The following RSPH10B2 variants were observed in gnomAD, a reference collection of about 807,000 sequenced individuals.
RSPH10B2 encodes radial spoke head 10 homolog B2 (Chlamydomonas).
Under a neutral mutation model 49.0 loss-of-function variants are expected in RSPH10B2, and 9 were observed. The ratio of observed to expected loss-of-function variants is 0.18; its 90% CI spans 0.11 to 0.32. The LOEUF (loss-of-function observed/expected upper bound fraction) is 0.32. Among genes scored for constraint, RSPH10B2 ranks in the 10% least tolerant of loss-of-function variants. The probability of loss-of-function intolerance (pLI) is 1.00; values close to 1 mark genes in which losing one functional copy is unlikely to be tolerated. For missense variants in RSPH10B2, 95 were observed against 589.9 expected, an observed-to-expected ratio of 0.16 and a Z score of 8.69; for synonymous variants, 35 against 210.2, an observed-to-expected ratio of 0.17 and a Z score of 7.21.
At chr7:6,781,084 A>G (rs1227887134) in intron 12 of RSPH10B2, among the ~76,000 whole-genome samples, 196 bp downstream of exon 14, 1 of 113,214 alleles carries the variant, frequency 8.8e-6, no homozygotes, top group Non-Finnish European at 1.8e-5. Context: ...AGAAATACAA[A>G]AAAATTAGCC....
upstream of RSPH10B2, among the ~76,000 whole-genome samples, chr7:6,752,252 A>G (rs1220031305): frequency 1.4e-5 from 2 of 147,162 alleles, no homozygotes; most frequent in Admixed American, 6.9e-5. Flanking sequence ...GCAGGGGAAC[A>G]AAAAGAGTTT....
chr7:6,756,081 A>T (rs373837729), upstream of RSPH10B2, among the ~76,000 whole-genome samples: 153 of 150,772 alleles, frequency 1.0e-3, 4 homozygotes, highest in East Asian at 0.029. Context: ...ATCCTGGCTA[A>T]CCCGGTGAAA....
intron 10 of RSPH10B2, among the ~76,000 whole-genome samples, chr7:6,776,835 C>A (rs1399162243): frequency 7.8e-5 from 8 of 102,554 alleles, no homozygotes; most frequent in Admixed American, 1.1e-4. Flanking sequence ...CAAGATTGTG[C>A]CATTGCACTC....
intron 11 of RSPH10B2, among the ~76,000 whole-genome samples, 153 bp downstream of exon 13, chr7:6,779,877 G>A (rs1489044932): frequency 1.9e-4 from 24 of 125,990 alleles, no homozygotes; most frequent in African/African-American, 6.5e-4. Flanking sequence ...GCACAATCTT[G>A]GCTTACTGCA....
chr7:6,784,395 G>C (rs1782061089), intron 13 of RSPH10B2, among the ~76,000 whole-genome samples: 1 of 14,882 alleles, frequency 6.7e-5, no homozygotes, highest in African/African-American at 4.6e-4. Flanking sequence ...AAGTAGCTGG[G>C]ATTATAGGTG....
rs2711182 is a variant in RSPH10B2 at position 6,781,592 on chromosome 7, G to A, written c.1758+116G>A. 25 of 1,175,272 alleles carry A rather than the reference G, an allele frequency of 2.1e-5. 2 individuals carry two copies. Among genetic ancestry groups the A allele is most frequent in the African/African-American group, 1.9e-4 (10 of 51,728 alleles). 72.8% of individuals were successfully genotyped at this position (1,175,272 alleles called of 1,614,324 possible). On this transcript the variant is annotated intron_variant, in intron 13 of 18. Transcript: ENST00000297186. Reference sequence around the variant, plus strand: ...ATTATCAGGTGAAGATCTGGGCTGGGTTTTCAGGACCATTAAATGTTTACT... The same window carrying A: ...ATTATCAGGTGAAGATCTGGGCTGGATTTTCAGGACCATTAAATGTTTACT...
intron 18 of RSPH10B2, among the ~76,000 whole-genome samples, chr7:6,797,866 T>TACACACACAC (rs753716997): frequency 1.5e-5 from 1 of 65,746 alleles, no homozygotes; most frequent in African/African-American, 7.5e-5. Context: ...AAAAAAAAAA[T>TACACACACAC]ACACACACAC....
chr7:6,794,016 TG>T (rs1382699559), intron 17 of RSPH10B2: 1 of 149,686 alleles, frequency 6.7e-6, no homozygotes, highest in Non-Finnish European at 1.5e-5. Flanking sequence ...CTAGGCATCT[TG>T]GGGGGCTGTG....
chr7:6,779,998 T>A (rs1229764543), intron 11 of RSPH10B2, among the ~76,000 whole-genome samples: 1 of 128,824 alleles, frequency 7.8e-6, no homozygotes, highest in African/African-American at 2.8e-5. Context: ...TTTTTTTGTA[T>A]TTTTAGTAGA....
chr7:6,776,873 TCA>T (rs746541740), intron 10 of RSPH10B2, among the ~76,000 whole-genome samples: 18,240 of 109,556 alleles, frequency 0.17, 901 homozygotes, highest in Non-Finnish European at 0.19. Flanking sequence ...CGAGACTCCA[TCA>T]CACACACACA....
chr7:6,764,624 G>C (rs1317046155), intron 4 of RSPH10B2, among the ~76,000 whole-genome samples: 1 of 151,630 alleles, frequency 6.6e-6, no homozygotes, highest in Admixed American at 6.6e-5. Flanking sequence ...GCCTCCCAAA[G>C]TGCTGGGATT....
intron 17 of RSPH10B2, among the ~76,000 whole-genome samples, chr7:6,793,906 T>C (rs1178624999): frequency 4.6e-5 from 7 of 150,992 alleles, no homozygotes; most frequent in Non-Finnish European, 1.0e-4. Flanking sequence ...CCCACTTTCT[T>C]TCCCTGCTCC....
chr7:6,756,173 G>C (rs1215725221), upstream of RSPH10B2, among the ~76,000 whole-genome samples: 1 of 143,994 alleles, frequency 6.9e-6, no homozygotes, highest in Non-Finnish European at 1.5e-5. Flanking sequence ...AGGAGGCTGA[G>C]GCAGGAGAAT....
intron 12 of RSPH10B2, among the ~76,000 whole-genome samples, 158 bp from the exon 15 acceptor site, chr7:6,781,170 G>A (rs1260119787): frequency 3.2e-4 from 37 of 115,724 alleles, no homozygotes; most frequent in African/African-American, 1.1e-3. Context: ...CCTGGGGGGC[G>A]GAGGTTGCAG....
chr7:6,758,796 G>T (rs1254355455), intron 1 of RSPH10B2, among the ~76,000 whole-genome samples: 1 of 125,356 alleles, frequency 8.0e-6, no homozygotes, highest in Non-Finnish European at 1.7e-5. Flanking sequence ...AGTGAGCCAA[G>T]ATCACGTCAT....
intron 17 of RSPH10B2, 70 bp from the exon 20 acceptor site, chr7:6,796,497 GA>G: frequency 2.3e-6 from 2 of 867,404 alleles, no homozygotes; most frequent in South Asian, 2.9e-5. Flanking sequence ...GCTAGAACGA[GA>G]AAAAGCACGC....
At chr7:6,756,050 C>G (rs548429491), upstream of RSPH10B2, among the ~76,000 whole-genome samples, 2 of 150,708 alleles carry the variant, frequency 1.3e-5, no homozygotes, top group South Asian at 2.1e-4. Context: ...GGGCAGATCA[C>G]GAGGTCAGGA....
rs1172496720 is a variant in RSPH10B2 at position 6,763,438 on chromosome 7, CAAAAAT to C, written c.400-484_400-479del. Among the ~76,000 whole-genome samples, 250 of 117,210 alleles carry C rather than the reference CAAAAAT, an allele frequency of 2.1e-3. 56 individuals are homozygous for C. The highest frequency in any genetic ancestry group is 8.2e-3 in the African/African-American group (241 of 29,254). 76.9% of individuals were successfully genotyped at this position (117,210 alleles called of 152,430 possible). On this transcript the variant is annotated intron_variant, in intron 3 of 18. Transcript: ENST00000297186. The stretch of plus-strand genomic sequence containing the variant: ...TGGGCGACAGAGTGAGACTCTGTCT[CAAAAAT>C]AAAAACAAAAATAAAATCTTTTTCT...
chr7:6,761,892 ACAACTTAC>A (rs1282659059), intron 3 of RSPH10B2, among the ~76,000 whole-genome samples: 1 of 128,266 alleles, frequency 7.8e-6, no homozygotes, highest in African/African-American at 2.9e-5. Flanking sequence ...TCCTTAAGTG[ACAACTTAC>A]CAAGAACCGC....
Sources: allele counts gnomAD v4.1 joint callset (sites outside exome capture counted in the v4.1 genomes callset), GRCh38; gene constraint gnomAD v4.1.1; transcripts MANE v1.5; gene names NCBI Gene and HGNC (gene_info 2026-07-23, HGNC 2026-07-21).